IMPA1: variants seen among roughly 807,000 people sequenced by gnomAD.
IMPA1 encodes inositol monophosphatase 1.
Under a neutral mutation model 34.9 loss-of-function variants are expected in IMPA1, and 21 were observed. The observed-to-expected ratio is 0.60, with a 90% CI of 0.43 to 0.87. The LOEUF is 0.87. IMPA1 is among the 40% of genes least tolerant of loss of function. The pLI is 0.00. For synonymous variants in IMPA1, 95 were observed against 104.4 expected (o/e 0.91, Z 0.55); for missense variants, 299 against 336.4 (o/e 0.89, Z 0.87).
chr8:81,668,951 T>C (rs1806911941), intron 7 of IMPA1, among the ~76,000 whole-genome samples: 2 of 152,178 alleles, frequency 1.3e-5, no homozygotes, highest in African/African-American at 4.8e-5. Flanking sequence ...CAAGTGACCC[T>C]AGGTGTGGCT....
In IMPA1 at chr8:81,658,225, G is replaced by C. The variant is rs898203738; in HGVS notation, c.*1126C>G. The C allele has an allele frequency of 6.6e-6, 1 of 152,144 alleles. No individual in the cohort carries two copies. Among genetic ancestry groups the C allele is most frequent in the South Asian group, 2.1e-4 (1 of 4,834 alleles). The allele number at this position is 152,144 out of a possible 1,614,324, so 9.4% of individuals were successfully genotyped here. A position where few individuals can be genotyped will look rare whatever the true frequency, so the allele number is the denominator to read the frequency against. On this transcript the variant is annotated 3_prime_UTR_variant, in exon 9 of 9. Coordinates refer to ENST00000256108, the MANE Select transcript of IMPA1 (RefSeq NM_005536.4). ...AATAAGTCTAGTAGTCTGTTTACGT[G>C]CCAAGGGATAAGGCTGAACAATAAA... is the stretch of plus-strand genomic sequence containing the variant.
At chr8:81,664,773 C>T (rs1054810935) in intron 7 of IMPA1, among the ~76,000 whole-genome samples, 2 of 151,378 alleles carry the variant, frequency 1.3e-5, no homozygotes, top group Non-Finnish European at 1.5e-5. Context: ...TGCTAAATGA[C>T]GAGTTAATGC....
chr8:81,660,856 A>G (rs192507613), intron 7 of IMPA1, among the ~76,000 whole-genome samples, 189 bp from the exon 8 acceptor site: 156 of 152,322 alleles, frequency 1.0e-3, no homozygotes, highest in Non-Finnish European at 1.3e-3. Context: ...ATATTATATA[A>G]ATCACAAAAC....
At chr8:81,679,277 C>T (rs767404957) in intron 3 of IMPA1, 47 bp from the exon 4 acceptor site, 1 of 1,213,894 alleles carries the variant, frequency 8.2e-7, no homozygotes, top group South Asian at 1.2e-5. Context: ...CTGATTTCAA[C>T]AATTTCCAAA....
chr8:81,684,599 A>ACTAATG (rs1563592580), intron 1 of IMPA1, among the ~76,000 whole-genome samples: 14 of 107,928 alleles, frequency 1.3e-4, no homozygotes, highest in South Asian at 2.9e-4. Flanking sequence ...ATCTTTAGAT[A>ACTAATG]TATATATCTA....
At chr8:81,674,345 T>C (rs1681655616) in intron 5 of IMPA1, 2 of 184,848 alleles carry the variant, frequency 1.1e-5, no homozygotes, top group Admixed American at 5.5e-5. Context: ...ATTAAGTTTC[T>C]CTCCTCCTTA....
intron 7 of IMPA1, among the ~76,000 whole-genome samples, chr8:81,666,081 T>C (rs895182720): frequency 9.9e-5 from 15 of 152,228 alleles, no homozygotes; most frequent in South Asian, 2.1e-4. Context: ...AATATGTAAA[T>C]ATAATATGTT....
chr8:81,677,343 C>T (rs1240311802), intron 4 of IMPA1, among the ~76,000 whole-genome samples: 1 of 152,214 alleles, frequency 6.6e-6, no homozygotes, highest in African/African-American at 2.4e-5. Flanking sequence ...TATCCACCCA[C>T]CTTGGCCTCC....
chr8:81,673,771 T>C, intron 6 of IMPA1, 70 bp downstream of exon 6: 1 of 856,804 alleles, frequency 1.2e-6, no homozygotes, highest in Non-Finnish European at 2.0e-6. Context: ...ATTCCATAGG[T>C]GAATATTAAA....
chr8:81,665,877 G>A (rs1000836887), intron 7 of IMPA1, among the ~76,000 whole-genome samples: 2 of 152,118 alleles, frequency 1.3e-5, no homozygotes, highest in African/African-American at 2.4e-5. Flanking sequence ...CAAGTCTCAA[G>A]GCCACAGAAA....
intron 7 of IMPA1, among the ~76,000 whole-genome samples, chr8:81,664,214 T>C (rs1446989392): frequency 1.3e-5 from 2 of 152,118 alleles, no homozygotes. Context: ...ATTTGGAGAA[T>C]AATAATAGCA....
At chr8:81,676,652 T>C (rs1807140641) in intron 4 of IMPA1, among the ~76,000 whole-genome samples, 1 of 152,210 alleles carries the variant, frequency 6.6e-6, no homozygotes, top group African/African-American at 2.4e-5. Context: ...GTTTTCTATC[T>C]TTTGAAGGTC....
intron 8 of IMPA1, 46 bp from the exon 9 acceptor site, chr8:81,659,512 T>C (rs1297714039): frequency 9.6e-7 from 1 of 1,045,058 alleles, no homozygotes; most frequent in Non-Finnish European, 1.5e-6. Flanking sequence ...GGTACAAAAA[T>C]AATTCATATA....
chr8:81,676,782 C>T lies in IMPA1; in HGVS notation c.303-503G>A, dbSNP rs181406954. Among the ~76,000 whole-genome samples, 13 of 151,970 alleles carry T rather than the reference C, an allele frequency of 8.6e-5. No individual in the cohort carries two copies. In the East Asian group the frequency reaches 2.3e-3, roughly 27 times the overall value. On this transcript the variant is annotated intron_variant, in intron 4 of 8. Coordinates refer to ENST00000256108, the MANE Select transcript of IMPA1 (RefSeq NM_005536.4). ...GGAAGATCACTTGGGCCCAGGAGTT[C>T]GAGACCAGCCTGGCTGGGCAACATG...
intron 5 of IMPA1, chr8:81,674,702 C>T (rs1807080205): frequency 1.6e-5 from 6 of 385,376 alleles, no homozygotes; most frequent in Admixed American, 1.4e-4. Context: ...AGGCTTTTTT[C>T]TTCCTTCTCC....
In IMPA1 at chr8:81,686,269, C is replaced by T; in HGVS notation, c.-42G>A. ...GGTCTCACCTTGAGTCGGAGGACGTCCGGCTAGCTCTGTGAACGGTGTTAC... is the reference window on the plus strand; with the variant it reads ...GGTCTCACCTTGAGTCGGAGGACGTTCGGCTAGCTCTGTGAACGGTGTTAC... On this transcript the variant is annotated 5_prime_UTR_variant, in exon 1 of 9. Coordinates refer to ENST00000256108, the MANE Select transcript of IMPA1 (RefSeq NM_005536.4). 5.0e-6 allele frequency: 5 copies of T among 1,000,526 alleles called. No individual in the cohort carries two copies. Among genetic ancestry groups the T allele is most frequent in the Admixed American group, 6.0e-5 (1 of 16,616 alleles). 62.0% of individuals were successfully genotyped at this position (1,000,526 alleles called of 1,614,324 possible).
chr8:81,671,183 G>A (rs1806979146), intron 6 of IMPA1, 136 bp from the exon 7 acceptor site: 1 of 475,620 alleles, frequency 2.1e-6, no homozygotes, highest in Non-Finnish European at 3.7e-6. Context: ...ATAAAATACT[G>A]ATAAATTAAT....
intron 7 of IMPA1, among the ~76,000 whole-genome samples, chr8:81,663,645 G>A (rs1477829691): frequency 6.6e-6 from 1 of 152,206 alleles, no homozygotes; most frequent in East Asian, 1.9e-4. Context: ...GACAGAAATA[G>A]TAGGTGGTGA....
chr8:81,659,221 C>A lies in IMPA1; in HGVS notation c.*130G>T. On this transcript the variant is annotated 3_prime_UTR_variant, in exon 9 of 9. Transcript: ENST00000256108. ...AACCTAGACATAGTAAAATAAGAAA[C>A]AAGTTCCAAATTTTTGACCTGGACA... 2 of 659,914 alleles carry A rather than the reference C, an allele frequency of 3.0e-6. No homozygotes were observed. Among genetic ancestry groups the A allele is most frequent in the East Asian group, 2.7e-5 (1 of 36,504 alleles). 40.9% of individuals were successfully genotyped at this position (659,914 alleles called of 1,614,324 possible). A position where few individuals can be genotyped will look rare whatever the true frequency, so the allele number is the denominator to read the frequency against.
Sources: allele counts gnomAD v4.1 joint callset (sites outside exome capture counted in the v4.1 genomes callset), GRCh38; gene constraint gnomAD v4.1.1; transcripts MANE v1.5; gene names NCBI Gene and HGNC (gene_info 2026-07-23, HGNC 2026-07-21).